Variants in MGAM observed in about 807,000 individuals in gnomAD.
MGAM encodes the protein maltase-glucoamylase, also known as alpha-1,4-glucosidase.
A neutral mutation model predicts 358.8 loss-of-function variants in MGAM; 253 were observed. The observed-to-expected ratio is 0.71, with a 90% CI of 0.64 to 0.78. The LOEUF is 0.78. Ranked by LOEUF, MGAM falls within the 30% of genes least tolerant of loss-of-function variation. MGAM has a pLI of 0.00. For synonymous variants in MGAM, 1,105 were observed against 1,227.1 expected (o/e 0.90, Z 2.08); for missense variants, 3,080 against 3,432.6 (o/e 0.90, Z 2.57).
At position 142,069,300 on chromosome 7, in the gene MGAM, G is replaced by A. The variant is rs1316354568; in HGVS notation, c.5061+597G>A. 1.4e-5 allele frequency among the ~76,000 whole-genome samples: 2 copies of A among 145,832 alleles called. 1 individual carries two copies. The highest frequency in any genetic ancestry group is 3.1e-5 in the Non-Finnish European group (2 of 64,394). ...ATGAGGAAGCAATGAAGAGCTCCTTGCCGCATAGTTTCATTGCTAGTATGA... is the reference window on the plus strand; with the variant it reads ...ATGAGGAAGCAATGAAGAGCTCCTTACCGCATAGTTTCATTGCTAGTATGA... On this transcript the variant is annotated intron_variant, in intron 43 of 70. Transcript: ENST00000475668.
intron 49 of MGAM, among the ~76,000 whole-genome samples, chr7:142,079,552 TA>T (rs1396841741): frequency 1.4e-5 from 2 of 146,182 alleles, no homozygotes; most frequent in Non-Finnish European, 3.1e-5. Context: ...GAGATACGTA[TA>T]AAATAGCCAC....
At position 142,043,569 on chromosome 7, in the gene MGAM, TAC is replaced by T. The variant is rs1425885076; in HGVS notation, c.2498+2725_2498+2726del. 6.3e-5 allele frequency among the ~76,000 whole-genome samples: 5 copies of T among 79,004 alleles called. 2 individuals carry two copies. Among genetic ancestry groups the T allele is most frequent in the African/African-American group, 1.4e-4 (3 of 20,818 alleles). The allele number at this position is 79,004 out of a possible 152,430, so 51.8% of individuals were successfully genotyped here. A position where few individuals can be genotyped will look rare whatever the true frequency, so the allele number is the denominator to read the frequency against. ...TATATCTAAATATATATATTATATA[TAC>T]ATATGATATCTAAATATATAATATA... On this transcript the variant is annotated intron_variant, in intron 21 of 70. Transcript: ENST00000475668.
chr7:142,051,688 A>G (rs1391052879), intron 24 of MGAM, among the ~76,000 whole-genome samples: 3 of 152,234 alleles, frequency 2.0e-5, no homozygotes, highest in Admixed American at 6.5e-5. Flanking sequence ...TAAAATTGAA[A>G]CCCAAAGAAA....
intron 31 of MGAM, among the ~76,000 whole-genome samples, chr7:142,058,533 G>C (rs1379690716): frequency 6.6e-6 from 1 of 152,222 alleles, no homozygotes; most frequent in Admixed American, 6.5e-5. Context: ...GACCCAGCAT[G>C]ACTCGCCAGA....
In MGAM at chr7:142,081,884, T is replaced by C. The variant is rs1486386053; in HGVS notation, c.6003-158T>C. On this transcript the variant is annotated intron_variant, in intron 50 of 70. Transcript: ENST00000475668. ...AGAACTCCTGGGCTTTTAGTGGGGA[T>C]ATCTATGATATTTTAATCAAATTGA... Among the ~76,000 whole-genome samples, 2 of 145,952 alleles carry C rather than the reference T, an allele frequency of 1.4e-5. 1 individual carries two copies. The highest frequency in any genetic ancestry group is 3.1e-5 in the Non-Finnish European group (2 of 64,434).
chr7:141,991,305 G>A (rs572953921), upstream of MGAM, among the ~76,000 whole-genome samples: 9 of 152,296 alleles, frequency 5.9e-5, no homozygotes, highest in Admixed American at 5.2e-4. Context: ...TGATGGAATT[G>A]TGTGGAGGAA....
intron 10 of MGAM, 117 bp from the exon 11 acceptor site, chr7:142,030,245 A>G: frequency 9.3e-7 from 1 of 1,073,248 alleles, no homozygotes; most frequent in Non-Finnish European, 1.3e-6. Context: ...CTGATTAAGA[A>G]CTCTATTTAG....
Position 142,045,133 on chromosome 7 carries a change from G to A in MGAM, c.2499-2652G>A, listed in dbSNP as rs1395915455. 4.0e-3 allele frequency among the ~76,000 whole-genome samples: 253 copies of A among 62,878 alleles called. 22 individuals carry two copies. Among genetic ancestry groups the A allele is most frequent in the Admixed American group, 6.7e-3 (26 of 3,856 alleles). 41.3% of individuals were successfully genotyped at this position (62,878 alleles called of 152,430 possible). Reference sequence around the variant, plus strand: ...ACGTGCAATATATGATATATAATATGTATATTATATATCATATATGTGATA... The same window carrying A: ...ACGTGCAATATATGATATATAATATATATATTATATATCATATATGTGATA... On this transcript the variant is annotated intron_variant, in intron 21 of 70. Coordinates refer to ENST00000475668, the MANE Select transcript of MGAM (RefSeq NM_001365693.1).
rs1230512973 is a variant in MGAM, at chr7:142,056,097, G to A, written c.3580+1G>A. The A allele has an allele frequency of 1.2e-6, 2 of 1,601,386 alleles. No homozygotes were observed. Among genetic ancestry groups the A allele is most frequent in the South Asian group, 2.3e-5 (2 of 88,692 alleles). ...CTCCTGCTGAACAGCAATGCCATGG[G>A]TAAGGCCATCAGCACCTCCCTTATT... On this transcript the variant is annotated splice_donor_variant, in intron 29 of 70. Transcript: ENST00000475668. LOFTEE classifies it high-confidence loss of function.
At chr7:142,019,055 A>G (rs1806197794) in intron 3 of MGAM, 144 bp from the exon 4 acceptor site, 2 of 1,074,130 alleles carry the variant, frequency 1.9e-6, no homozygotes, top group South Asian at 1.6e-5. Flanking sequence ...TGCTTGGTAT[A>G]TGGCACAATT....
rs576893174 is a variant in MGAM at position 142,065,194 on chromosome 7, T to C, written c.4485-141T>C. ...CTCCATCATCTGGGATCAGTGGAAC[T>C]CCTATTACAGCTCAGAGTCCCATGT... On this transcript the variant is annotated intron_variant, in intron 37 of 70. Coordinates refer to ENST00000475668, the MANE Select transcript of MGAM (RefSeq NM_001365693.1). The C allele has an allele frequency of 1.6e-4, 187 of 1,180,842 alleles. 1 individual carries two copies. In the African/African-American group the frequency reaches 2.7e-3, roughly 17 times the overall value. The allele number at this position is 1,180,842 out of a possible 1,614,324, so 73.1% of individuals were successfully genotyped here.
At position 142,050,758 on chromosome 7, in the gene MGAM, A is replaced by G. The variant is rs1338618493; in HGVS notation, c.2699A>G (p.Asn900Ser). ...TYKDPNNLAFNEIKILGTEEP... is the reference protein window; with the variant it reads ...TYKDPNNLAFSEIKILGTEEP... ...AAGGACCCCAATAATTTAGCATTTA[A>G]TGAGATTAAAATTCTTGGGACGGAG... The change falls in exon 24 of 71, where the codon AAT becomes AGT. Residue 900 changes from asparagine to serine, a missense_variant. Around this residue, in one of 5 missense-constraint regions of MGAM, gnomAD observed 1,816 missense variants for 1,840.5 expected, o/e 0.99. Coordinates refer to ENST00000475668, the MANE Select transcript of MGAM (RefSeq NM_001365693.1). 6.2e-7 allele frequency: 1 copy of G among 1,613,820 alleles called. No individual in the cohort carries two copies. The highest frequency in any genetic ancestry group is 1.7e-5 in the Admixed American group (1 of 60,010).
rs543801414 is a variant in MGAM at position 142,094,327 on chromosome 7, G to A, written c.7173-37G>A. ...TGCTCTATGGCCTTTGCTTCCTGGC[G>A]GTGCCCTCAGTTCACCTCCTTTTCC... On this transcript the variant is annotated intron_variant, in intron 60 of 70. Coordinates refer to ENST00000475668, the MANE Select transcript of MGAM (RefSeq NM_001365693.1). The A allele has an allele frequency of 3.3e-5, 50 of 1,496,602 alleles. 1 individual carries two copies. In the African/African-American group the frequency reaches 3.4e-4, roughly 10 times the overall value. 92.7% of individuals were successfully genotyped at this position (1,496,602 alleles called of 1,614,324 possible).
chr7:142,032,301 ACTTTTT>A (rs781994173), intron 13 of MGAM, among the ~76,000 whole-genome samples: 26 of 151,990 alleles, frequency 1.7e-4, no homozygotes, highest in Non-Finnish European at 3.2e-4. Flanking sequence ...CAGAGTTGAA[ACTTTTT>A]CTTTTTCTAA....
rs111479223 is a variant in MGAM at position 142,056,693 on chromosome 7, G to C, written c.3581-137G>C. The C allele has an allele frequency of 2.0e-3, 1,560 of 765,670 alleles. 21 individuals are homozygous for C. The African/African-American group carries it at 0.025, about 12-fold the overall frequency. 47.4% of individuals were successfully genotyped at this position (765,670 alleles called of 1,614,324 possible). A position where few individuals can be genotyped will look rare whatever the true frequency, so the allele number is the denominator to read the frequency against. ...ACTTCCATTGATCTTCTTCAGTTCT[G>C]TGAGTATGATAGAAAATGCCTGCTG... On this transcript the variant is annotated intron_variant, in intron 29 of 70. Transcript: ENST00000475668.
intron 21 of MGAM, among the ~76,000 whole-genome samples, chr7:142,041,986 TAA>T (rs1491449379): frequency 3.9e-4 from 6 of 15,578 alleles, no homozygotes; most frequent in Non-Finnish European, 6.3e-4. Flanking sequence ...ATATATAATA[TAA>T]TATATATATA....
intron 36 of MGAM, among the ~76,000 whole-genome samples, chr7:142,064,046 T>A (rs1206216356): frequency 6.6e-6 from 1 of 152,178 alleles, no homozygotes; most frequent in East Asian, 1.9e-4. Flanking sequence ...CAAATCTCAG[T>A]TTGCTAAATT....
intron 42 of MGAM, among the ~76,000 whole-genome samples, chr7:142,067,957 TATATATAAATATATATATATATATA>T (rs1812943838): frequency 8.4e-5 from 3 of 35,512 alleles, no homozygotes; most frequent in African/African-American, 2.3e-4. Context: ...TATATATATA[TATATATAAATATATATATATATATA>T]TATATTTTTT....
chr7:142,089,950 C>T (rs1434577773), intron 57 of MGAM, among the ~76,000 whole-genome samples: 2 of 146,430 alleles, frequency 1.4e-5, no homozygotes, highest in African/African-American at 4.8e-5. Context: ...ATAAAACAAA[C>T]AGCCAACAGC....
Sources: gnomAD v4.1 joint callset for allele counts (sites outside exome capture counted in the v4.1 genomes callset) on GRCh38, gnomAD v4.1.1 for gene constraint, gnomAD v4.1.1 regional missense constraint, MANE v1.5 for transcripts, NCBI Gene and HGNC (gene_info 2026-07-23, HGNC 2026-07-21) for gene names.